ZFYVE9: variants seen among roughly 807,000 people sequenced by gnomAD.
ZFYVE9 encodes the protein zinc finger FYVE domain-containing protein 9.
ZFYVE9 carries 43 observed loss-of-function variants against 126.7 expected under a neutral mutation model. That is an observed-to-expected ratio of 0.34 (90% CI 0.27 to 0.44). The LOEUF is 0.44. Ranked by LOEUF, ZFYVE9 falls within the 20% of genes least tolerant of loss-of-function variation. The probability of loss-of-function intolerance (pLI) is 1.00; values close to 1 mark genes in which losing one functional copy is unlikely to be tolerated. For synonymous variants in ZFYVE9, 521 were observed against 597.4 expected (o/e 0.87, Z 1.87); for missense variants, 1,476 against 1,697.0 (o/e 0.87, Z 2.29).
At chr1:52,183,107 G>A (rs1031658385) in intron 1 of ZFYVE9, among the ~76,000 whole-genome samples, 8 of 152,260 alleles carry the variant, frequency 5.3e-5, no homozygotes, top group Middle Eastern at 6.8e-3. Flanking sequence ...AAAAGAAGGC[G>A]AAAGGGCAGT....
At chr1:52,148,272 C>T (rs192728428) in intron 1 of ZFYVE9, among the ~76,000 whole-genome samples, 1 of 151,924 alleles carries the variant, frequency 6.6e-6, no homozygotes, top group East Asian at 2.0e-4. Context: ...GTCAGGAGTT[C>T]GAGACCAGCC....
chr1:52,185,803 C>T (rs1020304014), intron 1 of ZFYVE9, among the ~76,000 whole-genome samples: 7 of 151,132 alleles, frequency 4.6e-5, no homozygotes, highest in African/African-American at 1.7e-4. Context: ...TTCTGTAGTC[C>T]CAGCTACTTG....
intron 15 of ZFYVE9, 54 bp from the exon 16 acceptor site, chr1:52,337,718 A>G: frequency 6.3e-7 from 1 of 1,587,500 alleles, no homozygotes; most frequent in South Asian, 1.1e-5. Context: ...AATTTGCTAG[A>G]TGCCAGGTGC....
chr1:52,177,920 T>G (rs1246369576), intron 1 of ZFYVE9, among the ~76,000 whole-genome samples: 1 of 151,766 alleles, frequency 6.6e-6, no homozygotes, highest in Admixed American at 6.6e-5. Flanking sequence ...ATGAAAGACT[T>G]CATATACTAT....
chr1:52,172,593 G>A (rs900949634), intron 1 of ZFYVE9, among the ~76,000 whole-genome samples: 1 of 152,180 alleles, frequency 6.6e-6, no homozygotes, highest in Non-Finnish European at 1.5e-5. Context: ...ACCTTGGGCA[G>A]TATGGCCATT....
At position 52,159,857 on chromosome 1, in the gene ZFYVE9, G is replaced by A. The variant is rs595549; in HGVS notation, c.-143+17454G>A. On this transcript the variant is annotated intron_variant, in intron 1 of 18. Coordinates refer to ENST00000287727, the MANE Select transcript of ZFYVE9 (RefSeq NM_004799.4). The stretch of plus-strand genomic sequence containing the variant: ...GTCACCCAGGCTGGAGTGCAGTGGC[G>A]AGATCTCGGCTCACTGCAAGCTCCG... Among the ~76,000 whole-genome samples, 1,425 of 151,506 alleles carry A rather than the reference G, an allele frequency of 9.4e-3. 23 individuals carry two copies. The highest frequency in any genetic ancestry group is 0.033 in the African/African-American group (1,356 of 41,260).
At chr1:52,299,821 G>A (rs1013581943) in intron 12 of ZFYVE9, among the ~76,000 whole-genome samples, 6 of 152,228 alleles carry the variant, frequency 3.9e-5, no homozygotes, top group Admixed American at 3.9e-4. Flanking sequence ...CTCTAGCAGT[G>A]GGTCCAGTTT....
chr1:52,205,160 G>A (rs557357060), intron 1 of ZFYVE9, among the ~76,000 whole-genome samples: 7 of 145,544 alleles, frequency 4.8e-5, no homozygotes, highest in Admixed American at 1.4e-4. Flanking sequence ...CTGCAGCCTC[G>A]CCCTCCTGGG....
intron 6 of ZFYVE9, 38 bp from the exon 7 acceptor site, chr1:52,268,425 C>T (rs1260528693): frequency 1.3e-6 from 2 of 1,590,650 alleles, no homozygotes; most frequent in Non-Finnish European, 1.7e-6. Context: ...CCTTCCAATG[C>T]CACATTGATG....
chr1:52,273,818 C>CAAA (rs61193193), intron 7 of ZFYVE9, among the ~76,000 whole-genome samples: 3 of 75,550 alleles, frequency 4.0e-5, no homozygotes, highest in Admixed American at 1.5e-4. Flanking sequence ...GACTCCTTCT[C>CAAA]AAAAAAAAAA....
chr1:52,206,342 C>T (rs1644977741), intron 1 of ZFYVE9, among the ~76,000 whole-genome samples: 1 of 152,048 alleles, frequency 6.6e-6, no homozygotes, highest in Admixed American at 6.6e-5. Context: ...GTGTGTATGG[C>T]GTGGTGGTAG....
At chr1:52,334,540 A>T in intron 14 of ZFYVE9, 148 bp from the exon 15 acceptor site, 1 of 692,148 alleles carries the variant, frequency 1.4e-6, no homozygotes, top group Non-Finnish European at 2.4e-6. Flanking sequence ...ATTGTTGGTT[A>T]CATGTTTATT....
chr1:52,220,177 AT>A (rs1315817423), intron 2 of ZFYVE9, among the ~76,000 whole-genome samples: 4 of 152,202 alleles, frequency 2.6e-5, no homozygotes, highest in Non-Finnish European at 2.9e-5. Context: ...TGGTTAGGTG[AT>A]TTTTTAGAGT....
intron 4 of ZFYVE9, among the ~76,000 whole-genome samples, chr1:52,243,242 T>A (rs1645352851): frequency 6.6e-6 from 1 of 152,152 alleles, no homozygotes; most frequent in Non-Finnish European, 1.5e-5. Flanking sequence ...TATGTAAAGA[T>A]TAGGCCAGTG....
intron 9 of ZFYVE9, 117 bp downstream of exon 9, chr1:52,278,731 CTT>C (rs377369353): frequency 4.6e-3 from 2,156 of 472,416 alleles, no homozygotes; most frequent in East Asian, 7.1e-3. Context: ...TTTTTTTTTT[CTT>C]TTTTTTTTTT....
intron 13 of ZFYVE9, among the ~76,000 whole-genome samples, chr1:52,314,716 A>G (rs934481792): frequency 1.3e-5 from 2 of 152,114 alleles, no homozygotes; most frequent in South Asian, 2.1e-4. Context: ...GCTACTTGGG[A>G]GGCTAAGGCA....
In ZFYVE9 at chr1:52,328,994, A is replaced by G. The variant is rs550257171; in HGVS notation, c.3439-3774A>G. The stretch of plus-strand genomic sequence containing the variant: ...TTGTATGGATACAATACCTAGGAGT[A>G]AATTTAACCAAGGAAGTAAAAGACT... On this transcript the variant is annotated intron_variant, in intron 13 of 18. Transcript: ENST00000287727. Among the ~76,000 whole-genome samples, 86 of 152,318 alleles carry G rather than the reference A, an allele frequency of 5.6e-4. 1 individual carries two copies. In the South Asian group the frequency reaches 0.01, roughly 18 times the overall value.
intron 13 of ZFYVE9, among the ~76,000 whole-genome samples, chr1:52,310,112 C>T (rs1352365252): frequency 6.6e-6 from 1 of 151,926 alleles, no homozygotes; most frequent in East Asian, 1.9e-4. Context: ...GCTGGGACTA[C>T]AGGCACACAC....
At chr1:52,171,290 A>G (rs979085925) in intron 1 of ZFYVE9, among the ~76,000 whole-genome samples, 2 of 151,968 alleles carry the variant, frequency 1.3e-5, no homozygotes, top group African/African-American at 4.8e-5. Flanking sequence ...GAGAATGATG[A>G]TTTCCAATTT....
Sources: allele counts gnomAD v4.1 joint callset (sites outside exome capture counted in the v4.1 genomes callset), GRCh38; gene constraint gnomAD v4.1.1; transcripts MANE v1.5; gene names NCBI Gene and HGNC (gene_info 2026-07-23, HGNC 2026-07-21).